ABAT: variants seen among roughly 807,000 people sequenced by gnomAD.
ABAT encodes 4-aminobutyrate aminotransferase, mitochondrial.
A neutral mutation model predicts 64.6 loss-of-function variants in ABAT; 45 were observed. That is an observed-to-expected ratio of 0.70 (90% confidence interval 0.55 to 0.89). The LOEUF (loss-of-function observed/expected upper bound fraction) is 0.89, where lower values mean the gene tolerates loss of function less well. Ranked by LOEUF, ABAT falls within the 40% of genes least tolerant of loss-of-function variation. The pLI is 0.00. For missense variants in ABAT, 633 were observed against 658.4 expected (o/e 0.96, Z 0.42); for synonymous variants, 297 against 250.5 (o/e 1.19, Z -1.75).
At chr16:8,760,837 G>C (rs927995394) in intron 6 of ABAT, among the ~76,000 whole-genome samples, 1 of 152,216 alleles carries the variant, frequency 6.6e-6, no homozygotes, top group African/African-American at 2.4e-5. Flanking sequence ...CACTCTGGGA[G>C]GCTGAGGCAG....
intron 1 of ABAT, chr16:8,722,732 C>G: frequency 9.2e-7 from 1 of 1,085,188 alleles, no homozygotes; most frequent in Non-Finnish European, 1.2e-6. Context: ...CACCTCCCTT[C>G]TAACCAGGAA....
chr16:8,746,391 C>G (rs2059329328), intron 3 of ABAT, among the ~76,000 whole-genome samples: 1 of 151,214 alleles, frequency 6.6e-6, no homozygotes. Context: ...TGTCTGTACT[C>G]AAAATACAAA....
rs566591045 is a variant in ABAT, at chr16:8,768,505, C to T, written c.667+249C>T. 5.9e-5 allele frequency among the ~76,000 whole-genome samples: 9 copies of T among 152,254 alleles called. No homozygotes were observed. The East Asian group carries it at 9.6e-4, about 16-fold the overall frequency. ...CTCTTGACTCTGTCTTCAAAGCCTGCGCTGCATCTGTGATTAATCGCAATG... is the reference window on the plus strand; with the variant it reads ...CTCTTGACTCTGTCTTCAAAGCCTGTGCTGCATCTGTGATTAATCGCAATG... On this transcript the variant is annotated intron_variant, in intron 10 of 15. Transcript: ENST00000268251.
intron 1 of ABAT, among the ~76,000 whole-genome samples, chr16:8,728,853 A>G (rs1351107443): frequency 6.6e-6 from 1 of 152,176 alleles, no homozygotes; most frequent in Non-Finnish European, 1.5e-5. Context: ...CAGCCTGGCA[A>G]CAGAACAAGA....
At chr16:8,706,047 G>A (rs911052747) in intron 1 of ABAT, among the ~76,000 whole-genome samples, 1 of 152,122 alleles carries the variant, frequency 6.6e-6, no homozygotes, top group African/African-American at 2.4e-5. Context: ...CAAATATTCA[G>A]TGTGCCTGTT....
At chr16:8,738,616 G>GTTTTTTTTTTTTTTTTTTTTT (rs772511380) in intron 2 of ABAT, among the ~76,000 whole-genome samples, 2 of 117,570 alleles carry the variant, frequency 1.7e-5, no homozygotes, top group African/African-American at 3.8e-5. Flanking sequence ...TTTTGTTTTT[G>GTTTTTTTTTTTTTTTTTTTTT]TTTTTGTTTT....
At chr16:8,767,444 C>T (rs933560940) in intron 9 of ABAT, among the ~76,000 whole-genome samples, 3 of 152,146 alleles carry the variant, frequency 2.0e-5, no homozygotes, top group Non-Finnish European at 4.4e-5. Flanking sequence ...GCACCTGACC[C>T]GCCTGACACC....
At chr16:8,743,320 G>C (rs1233003048) in intron 2 of ABAT, among the ~76,000 whole-genome samples, 1 of 4,362 alleles carries the variant, frequency 2.3e-4, no homozygotes, top group South Asian at 2.3e-3. Context: ...GTGTGTCTCT[G>C]TGTGTGTGTG....
chr16:8,774,783 C>A, intron 12 of ABAT, 107 bp from the exon 13 acceptor site: 2 of 1,371,284 alleles, frequency 1.5e-6, no homozygotes, highest in Non-Finnish European at 2.1e-6. Flanking sequence ...AGAAAACAAG[C>A]ACGATGTGTG....
At chr16:8,777,845 G>A (rs931156769) in intron 14 of ABAT, among the ~76,000 whole-genome samples, 1 of 152,156 alleles carries the variant, frequency 6.6e-6, no homozygotes, top group Non-Finnish European at 1.5e-5. Flanking sequence ...AGGCACAGGG[G>A]CTCATGCCTG....
intron 1 of ABAT, among the ~76,000 whole-genome samples, chr16:8,716,639 T>C (rs1476476735): frequency 6.6e-6 from 1 of 152,236 alleles, no homozygotes; most frequent in Non-Finnish European, 1.5e-5. Flanking sequence ...AATATTTATT[T>C]TATGCACTGG....
intron 5 of ABAT, among the ~76,000 whole-genome samples, chr16:8,756,006 T>C (rs556196592): frequency 6.6e-6 from 1 of 151,284 alleles, no homozygotes; most frequent in Non-Finnish European, 1.5e-5. Context: ...CCGAGATTGC[T>C]CCACTTCACT....
At chr16:8,739,269 AG>A (rs1443403258) in intron 2 of ABAT, among the ~76,000 whole-genome samples, 1 of 152,248 alleles carries the variant, frequency 6.6e-6, no homozygotes, top group African/African-American at 2.4e-5. Flanking sequence ...GAAGAGCACT[AG>A]GTCAAGATTC....
intron 1 of ABAT, among the ~76,000 whole-genome samples, chr16:8,688,980 TG>T (rs1407657682): frequency 6.6e-6 from 1 of 151,228 alleles, no homozygotes; most frequent in African/African-American, 2.4e-5. Flanking sequence ...CTTGGGAGGC[TG>T]AGGCAGGAGA....
At chr16:8,759,994 C>G (rs898099313) in intron 6 of ABAT, 3 of 152,216 alleles carry the variant, frequency 2.0e-5, no homozygotes, top group African/African-American at 7.2e-5. Flanking sequence ...TTAGAGCGTT[C>G]CCCTCTGCGG....
rs1158084095 is a variant in ABAT, at chr16:8,743,441, A to ATATATATATATATATATATATATATG, written c.71-2556_71-2555insTATATATATATATATATATATGTATA. ...GAAACAGTTATATATATATATATATATATACACACATTTTATAATATATTA... is the reference window on the plus strand; with the variant it reads ...GAAACAGTTATATATATATATATATATATATATATATATATATATATATATGTATACACACATTTTATAATATATTA... On this transcript the variant is annotated intron_variant, in intron 2 of 15. Coordinates refer to ENST00000268251, the MANE Select transcript of ABAT (RefSeq NM_020686.6). Among the ~76,000 whole-genome samples, 99 of 88,984 alleles carry ATATATATATATATATATATATATATG rather than the reference A, an allele frequency of 1.1e-3. 1 individual carries two copies. Among genetic ancestry groups the ATATATATATATATATATATATATATG allele is most frequent in the African/African-American group, 3.6e-3 (96 of 26,508 alleles). The allele number at this position is 88,984 out of a possible 152,430, so 58.4% of individuals were successfully genotyped here.
At chr16:8,719,784 A>G (rs769482957) in intron 1 of ABAT, among the ~76,000 whole-genome samples, 3 of 152,172 alleles carry the variant, frequency 2.0e-5, no homozygotes, top group Non-Finnish European at 4.4e-5. Context: ...GGAGAAGGAA[A>G]AAAAGAAGTT....
In ABAT at chr16:8,746,008, A is replaced by C; in HGVS notation, c.78A>C (p.Arg26Ser). 2.5e-6 allele frequency: 4 copies of C among 1,613,958 alleles called. No homozygotes were observed. The highest frequency in any genetic ancestry group is 3.4e-6 in the Non-Finnish European group (4 of 1,179,888). ...HSYRLLVPGSRHISQAAAKVD... is the reference protein window; with the variant it reads ...HSYRLLVPGSSHISQAAAKVD... ...TGTCTTTGTTTACTGCAGGATCCAG[A>C]CACATTAGTCAAGCTGCAGCCAAAG... The change falls in exon 3 of 16, where the codon AGA (arginine) becomes AGC (serine). Residue 26 changes from arginine to serine, a missense_variant. Transcript: ENST00000268251.
At chr16:8,728,953 G>A (rs2058637989) in intron 1 of ABAT, among the ~76,000 whole-genome samples, 1 of 152,192 alleles carries the variant, frequency 6.6e-6, no homozygotes, top group Admixed American at 6.5e-5. Flanking sequence ...TTCCTCTGGT[G>A]AAAAGCAATA....
Sources: allele counts gnomAD v4.1 joint callset (sites outside exome capture counted in the v4.1 genomes callset), GRCh38; gene constraint gnomAD v4.1.1; transcripts MANE v1.5; gene names NCBI Gene and HGNC (gene_info 2026-07-23, HGNC 2026-07-21).